ZNF385D: variants seen among roughly 807,000 people sequenced by gnomAD.
ZNF385D encodes zinc finger protein 385D, also known as zinc finger protein 659.
ZNF385D carries 15 observed loss-of-function variants against 35.8 expected under a neutral mutation model. The ratio of observed to expected loss-of-function variants is 0.42; its 90% CI spans 0.28 to 0.64. ZNF385D has a LOEUF of 0.64. ZNF385D is among the 30% of genes least tolerant of loss of function. The probability of loss-of-function intolerance (pLI) is 0.23; values close to 1 mark genes in which losing one functional copy is unlikely to be tolerated. For synonymous variants in ZNF385D, 212 were observed against 186.8 expected (o/e 1.13, Z -1.10); for missense variants, 474 against 494.6 (o/e 0.96, Z 0.39).
rs1208111381 is a variant in ZNF385D, at chr3:21,608,747, AG to A, written c.166-44064del. On this transcript the variant is annotated intron_variant, in intron 2 of 7. Transcript: ENST00000281523. ...TAAAGCTTGATTTTTGGTTTCATGT[AG>A]AAGTCAAAATTCGTCTACAAATGAA... Among the ~76,000 whole-genome samples, 47 of 152,308 alleles carry A rather than the reference AG, an allele frequency of 3.1e-4. No homozygotes were observed. The Middle Eastern group carries it at 0.014, about 44-fold the overall frequency.
intron 2 of ZNF385D, among the ~76,000 whole-genome samples, chr3:22,226,730 A>G (rs938436498): frequency 6.6e-6 from 1 of 152,090 alleles, no homozygotes; most frequent in Non-Finnish European, 1.5e-5. Flanking sequence ...CTCATCAGTC[A>G]TGTCTTTATT....
chr3:21,606,771 C>A (rs572963697), intron 2 of ZNF385D, among the ~76,000 whole-genome samples: 4 of 152,306 alleles, frequency 2.6e-5, no homozygotes, highest in African/African-American at 9.6e-5. Context: ...GTCAGAACAG[C>A]CCTGCCATCT....
At chr3:22,233,618 C>A (rs886903803) in intron 2 of ZNF385D, among the ~76,000 whole-genome samples, 1 of 152,000 alleles carries the variant, frequency 6.6e-6, no homozygotes, top group Admixed American at 6.6e-5. Flanking sequence ...TCCATATGAC[C>A]CTCCAACTAC....
chr3:22,199,208 A>G (rs899263240), intron 2 of ZNF385D, among the ~76,000 whole-genome samples: 1 of 151,956 alleles, frequency 6.6e-6, no homozygotes, highest in African/African-American at 2.4e-5. Context: ...TGTCCCCTCC[A>G]CCCTGCTTTT....
Position 22,110,332 on chromosome 3 carries a change from T to G in ZNF385D, c.325+58485A>C, listed in dbSNP as rs944811120. Reference sequence around the variant, plus strand: ...TAAATCATGCTGCTGTAAAGACACATGCACACATATGTTTATTGCGGCACT... The same window carrying G: ...TAAATCATGCTGCTGTAAAGACACAGGCACACATATGTTTATTGCGGCACT... On this transcript the variant is annotated intron_variant, in intron 3 of 5. Transcript: ENST00000494108. Among the ~76,000 whole-genome samples, 35 of 151,956 alleles carry G rather than the reference T, an allele frequency of 2.3e-4. 1 individual carries two copies. The highest frequency in any genetic ancestry group is 8.5e-4 in the African/African-American group (35 of 41,368).
chr3:22,181,711 A>G (rs1695288785), intron 2 of ZNF385D, among the ~76,000 whole-genome samples: 1 of 152,002 alleles, frequency 6.6e-6, no homozygotes, highest in South Asian at 2.1e-4. Context: ...AAAAAAAAAA[A>G]AAAAAGAATA....
rs1327271187 is a variant in ZNF385D, at chr3:21,944,442, C to G, written c.325+224375G>C. ...TGTCCGAGCACCAATATATTAGAAA[C>G]AATGCGAAAACTCCCAGTGACTGGA... On this transcript the variant is annotated intron_variant, in intron 3 of 5. Coordinates refer to the ZNF385D transcript ENST00000494108. Among the ~76,000 whole-genome samples, 9 of 152,304 alleles carry G rather than the reference C, an allele frequency of 5.9e-5. No homozygotes were observed. In the East Asian group the frequency reaches 1.7e-3, roughly 29 times the overall value.
At chr3:21,740,911 C>T (rs114542813) in intron 1 of ZNF385D, among the ~76,000 whole-genome samples, 1,642 of 152,296 alleles carry the variant, frequency 0.011, 28 homozygotes, top group African/African-American at 0.038. Flanking sequence ...TTTGGTTATA[C>T]TGGACCGGGA....
chr3:22,322,943 A>G (rs964585460), intron 2 of ZNF385D, among the ~76,000 whole-genome samples: 1 of 152,152 alleles, frequency 6.6e-6, no homozygotes. Context: ...TCTCATTGCT[A>G]TGGCACCTTA....
Position 22,307,241 on chromosome 3 carries a change from G to T in ZNF385D, c.106+65209C>A, listed in dbSNP as rs1362093132. 2.0e-5 allele frequency among the ~76,000 whole-genome samples: 3 copies of T among 152,074 alleles called. 1 individual carries two copies. The South Asian group carries it at 6.2e-4, about 32-fold the overall frequency. On this transcript the variant is annotated intron_variant, in intron 2 of 5. Transcript: ENST00000494108. ...AAGTGTTTGAGAGTCAGTTTAATTGGAACAGGCAGAACAAGAAAGCTAGGA... is the reference window on the plus strand; with the variant it reads ...AAGTGTTTGAGAGTCAGTTTAATTGTAACAGGCAGAACAAGAAAGCTAGGA...
At chr3:21,684,977 G>T (rs2067057797) in intron 1 of ZNF385D, among the ~76,000 whole-genome samples, 1 of 152,132 alleles carries the variant, frequency 6.6e-6, no homozygotes, top group Non-Finnish European at 1.5e-5. Context: ...TTAAGCTAAT[G>T]CTTTAGAGCA....
intron 3 of ZNF385D, among the ~76,000 whole-genome samples, chr3:22,072,921 AG>A (rs1700296598): frequency 6.6e-6 from 1 of 152,018 alleles, no homozygotes; most frequent in Admixed American, 6.6e-5. Flanking sequence ...CAGGGCCAAG[AG>A]AAAAGCATTT....
intron 2 of ZNF385D, among the ~76,000 whole-genome samples, chr3:22,266,530 G>A (rs567982212): frequency 2.6e-5 from 4 of 151,784 alleles, no homozygotes; most frequent in Admixed American, 6.6e-5. Context: ...ACAATACCTG[G>A]GAAAATTACA....
chr3:21,526,902 A>C, intron 3 of ZNF385D, among the ~76,000 whole-genome samples: 1 of 152,234 alleles, frequency 6.6e-6, no homozygotes, highest in Admixed American at 6.5e-5. Flanking sequence ...TACTACTAAT[A>C]GGTATTTCCA....
intron 3 of ZNF385D, among the ~76,000 whole-genome samples, chr3:22,075,281 A>G (rs954807136): frequency 2.0e-5 from 3 of 151,826 alleles, no homozygotes; most frequent in Non-Finnish European, 4.4e-5. Flanking sequence ...TTAACTTAAA[A>G]AATTTTCCTT....
At chr3:21,671,844 T>C (rs746272094) in intron 1 of ZNF385D, among the ~76,000 whole-genome samples, 1 of 152,156 alleles carries the variant, frequency 6.6e-6, no homozygotes, top group Non-Finnish European at 1.5e-5. Flanking sequence ...TCGCTGATTT[T>C]TATCCCCAGC....
intron 2 of ZNF385D, among the ~76,000 whole-genome samples, chr3:22,176,601 T>C (rs750515974): frequency 2.0e-5 from 3 of 152,164 alleles, no homozygotes; most frequent in Admixed American, 2.0e-4. Context: ...ATTTGCAGAC[T>C]CACCTACAAA....
intron 2 of ZNF385D, among the ~76,000 whole-genome samples, chr3:22,345,700 G>C (rs1465802581): frequency 6.6e-6 from 1 of 152,186 alleles, no homozygotes; most frequent in Non-Finnish European, 1.5e-5. Flanking sequence ...CCCCCCTTCA[G>C]AACTACATGA....
chr3:22,089,105 G>A (rs545938934), intron 3 of ZNF385D, among the ~76,000 whole-genome samples: 1 of 152,262 alleles, frequency 6.6e-6, no homozygotes, highest in African/African-American at 2.4e-5. Context: ...ACACATCTAA[G>A]TGTGGCATGA....
Sources: gnomAD v4.1 joint callset for allele counts (sites outside exome capture counted in the v4.1 genomes callset) on GRCh38, gnomAD v4.1.1 for gene constraint, MANE v1.5 for transcripts, NCBI Gene and HGNC (gene_info 2026-07-23, HGNC 2026-07-21) for gene names.